The following DLGAP2 variants were observed in gnomAD, a reference collection of about 807,000 sequenced individuals.
DLGAP2 encodes the protein disks large-associated protein 2.
Under a neutral mutation model 100.3 loss-of-function variants are expected in DLGAP2, and 26 were observed. The observed-to-expected ratio is 0.26, with a 90% CI of 0.19 to 0.36. The LOEUF (loss-of-function observed/expected upper bound fraction) is 0.36. Ranked by LOEUF, DLGAP2 falls within the 10% of genes least tolerant of loss-of-function variation. The pLI is 1.00. For missense variants in DLGAP2, 1,858 were observed against 1,453.2 expected (o/e 1.28, Z -4.53); for synonymous variants, 886 against 630.1 (o/e 1.41, Z -6.08).
chr8:1,036,495 G>A (rs544318457), intron 2 of DLGAP2, among the ~76,000 whole-genome samples: 2 of 152,330 alleles, frequency 1.3e-5, no homozygotes, highest in East Asian at 3.9e-4. Flanking sequence ...GGGACGGTCG[G>A]GGGAGGTTCT....
chr8:1,008,812 T>C (rs1201083182), intron 2 of DLGAP2, among the ~76,000 whole-genome samples: 6 of 152,190 alleles, frequency 3.9e-5, no homozygotes, highest in African/African-American at 1.4e-4. Flanking sequence ...CTGGTGTGCA[T>C]GGGAACTGGG....
chr8:1,699,327 C>T (rs761447140), intron 14 of DLGAP2, among the ~76,000 whole-genome samples: 16 of 151,802 alleles, frequency 1.1e-4, no homozygotes, highest in Non-Finnish European at 1.5e-4. Context: ...CAAAATTAGC[C>T]GGGCACAGTG....
chr8:1,049,862 G>A (rs28593383), intron 2 of DLGAP2, among the ~76,000 whole-genome samples: 32,718 of 141,412 alleles, frequency 0.23, 3,756 homozygotes, highest in African/African-American at 0.26. Context: ...ATGTGCACAC[G>A]CATTTACAGT....
intron 2 of DLGAP2, among the ~76,000 whole-genome samples, chr8:938,621 G>C (rs1452083309): frequency 2.6e-5 from 4 of 152,236 alleles, no homozygotes; most frequent in African/African-American, 4.8e-5. Flanking sequence ...AAGAGGCTTG[G>C]ATGGCCACAC....
intron 6 of DLGAP2, among the ~76,000 whole-genome samples, chr8:1,588,890 C>T (rs1214473735): frequency 9.2e-5 from 14 of 152,152 alleles, no homozygotes; most frequent in Admixed American, 9.2e-4. Flanking sequence ...CCACTGCACT[C>T]CAACCTGGGC....
At chr8:1,226,176 C>T (rs920290645) in intron 2 of DLGAP2, among the ~76,000 whole-genome samples, 5 of 152,030 alleles carry the variant, frequency 3.3e-5, no homozygotes, top group African/African-American at 9.7e-5. Flanking sequence ...TGCATGCGCA[C>T]GTATGTTCAG....
intron 3 of DLGAP2, among the ~76,000 whole-genome samples, chr8:1,454,330 A>T (rs1470555218): frequency 6.6e-6 from 1 of 151,188 alleles, no homozygotes; most frequent in African/African-American, 2.4e-5. Context: ...GTCTGAACAC[A>T]GTGAGGTTTT....
At chr8:782,920 T>C (rs1821737935) in intron 1 of DLGAP2, among the ~76,000 whole-genome samples, 1 of 152,146 alleles carries the variant, frequency 6.6e-6, no homozygotes, top group Non-Finnish European at 1.5e-5. Context: ...CTGTTAGGGC[T>C]CAGAAACAGT....
intron 1 of DLGAP2, among the ~76,000 whole-genome samples, chr8:751,596 T>G (rs541620831): frequency 6.7e-6 from 1 of 150,202 alleles, no homozygotes; most frequent in Non-Finnish European, 1.5e-5. Context: ...GTCCTTATAA[T>G]AAGTTCATCT....
chr8:855,537 A>C (rs1000357818), intron 1 of DLGAP2, among the ~76,000 whole-genome samples: 1 of 152,208 alleles, frequency 6.6e-6, no homozygotes, highest in Non-Finnish European at 1.5e-5. Context: ...CACGTGTCAC[A>C]CAGACACATC....
At chr8:1,632,543 T>C (rs1797672846) in intron 7 of DLGAP2, among the ~76,000 whole-genome samples, 1 of 152,220 alleles carries the variant, frequency 6.6e-6, no homozygotes, top group Admixed American at 6.5e-5. Flanking sequence ...CTATCTCTCT[T>C]ACACTTTGTA....
At chr8:946,871 G>T (rs1799338806) in intron 2 of DLGAP2, among the ~76,000 whole-genome samples, 1 of 152,198 alleles carries the variant, frequency 6.6e-6, no homozygotes, top group Non-Finnish European at 1.5e-5. Context: ...GTGGCTGCCA[G>T]CAGCCTTCGT....
intron 2 of DLGAP2, among the ~76,000 whole-genome samples, chr8:1,233,378 G>C (rs891832029): frequency 5.3e-5 from 8 of 152,226 alleles, no homozygotes; most frequent in Non-Finnish European, 1.2e-4. Flanking sequence ...AATAGCAGAA[G>C]ACTCAGCTGT....
At chr8:1,258,551 A>G (rs1292851214) in intron 2 of DLGAP2, among the ~76,000 whole-genome samples, 1 of 152,200 alleles carries the variant, frequency 6.6e-6, no homozygotes, top group African/African-American at 2.4e-5. Flanking sequence ...CTGTATACCT[A>G]TGTAAGCTGC....
chr8:813,029 A>G (rs537760358), intron 1 of DLGAP2, among the ~76,000 whole-genome samples: 9 of 152,360 alleles, frequency 5.9e-5, no homozygotes, highest in Admixed American at 3.3e-4. Context: ...AATAGAACAC[A>G]TGTAATTTTT....
intron 2 of DLGAP2, among the ~76,000 whole-genome samples, chr8:1,135,411 G>C (rs925870307): frequency 1.3e-5 from 2 of 151,716 alleles, no homozygotes; most frequent in Non-Finnish European, 2.9e-5. Flanking sequence ...TTGAGGGTGC[G>C]TCAGTGGAGA....
chr8:789,568 ACT>A (rs1157112265), intron 1 of DLGAP2, among the ~76,000 whole-genome samples: 1 of 152,064 alleles, frequency 6.6e-6, no homozygotes, highest in Non-Finnish European at 1.5e-5. Context: ...CAGAAAACTG[ACT>A]CTGGATGATG....
chr8:1,259,583 A>C (rs1033938969), intron 3 of DLGAP2: 26 of 152,334 alleles, frequency 1.7e-4, no homozygotes, highest in African/African-American at 6.3e-4. Context: ...TGGCTAGAAA[A>C]AGAGTCAGCC....
intron 2 of DLGAP2, among the ~76,000 whole-genome samples, chr8:1,210,711 A>T (rs534547807): frequency 6.6e-6 from 1 of 152,124 alleles, no homozygotes; most frequent in South Asian, 2.1e-4. Flanking sequence ...GGAAACTGGC[A>T]TAACTGACCC....
Sources: gnomAD v4.1 joint callset for allele counts (sites outside exome capture counted in the v4.1 genomes callset) on GRCh38, gnomAD v4.1.1 for gene constraint, MANE v1.5 for transcripts, NCBI Gene and HGNC (gene_info 2026-07-23, HGNC 2026-07-21) for gene names.